Variants in DOCK11 observed in about 807,000 individuals in gnomAD.
DOCK11 encodes the protein dedicator of cytokinesis 11.
Under a neutral mutation model 169.1 loss-of-function variants are expected in DOCK11, and 70 were observed. The observed-to-expected ratio is 0.41, with a 90% CI of 0.34 to 0.51. DOCK11 has a LOEUF of 0.51. Among genes scored for constraint, DOCK11 ranks in the 20% least tolerant of loss-of-function variants. The probability of loss-of-function intolerance (pLI) is 0.10; values close to 1 mark genes in which losing one functional copy is unlikely to be tolerated. For missense variants in DOCK11, 1,166 were observed against 1,538.8 expected, an observed-to-expected ratio of 0.76 and a Z score of 4.05; for synonymous variants, 529 against 541.3, an observed-to-expected ratio of 0.98 and a Z score of 0.32.
chrX:118,496,453 T>G (rs1040176160), intron 1 of DOCK11, among the ~76,000 whole-genome samples: 7 of 112,805 alleles, frequency 6.2e-5, no homozygotes, highest in African/African-American at 2.2e-4. Flanking sequence ...GACGAGATCC[T>G]GATCCCCTCC....
intron 35 of DOCK11, chrX:118,632,990 T>TG (rs1200736670): frequency 6.7e-5 from 2 of 29,810 alleles, no homozygotes; most frequent in Admixed American, 3.9e-4. Flanking sequence ...GTGAGGGGGG[T>TG]GGGGGGGATG....
intron 40 of DOCK11, among the ~76,000 whole-genome samples, chrX:118,644,558 AT>A (rs2147519204): frequency 8.9e-6 from 1 of 112,213 alleles, no homozygotes; most frequent in South Asian, 3.7e-4. Context: ...CTAAAGGCTT[AT>A]TGTCCAGTAG....
chrX:118,619,839 A>T (rs1275408918), intron 31 of DOCK11, among the ~76,000 whole-genome samples: 5 of 103,605 alleles, frequency 4.8e-5, no homozygotes, highest in Non-Finnish European at 2.0e-5. Context: ...TTTTTTTGAG[A>T]TGGAGTCTCG....
chrX:118,541,041 G>A (rs1194011181), intron 1 of DOCK11, among the ~76,000 whole-genome samples: 1 of 111,264 alleles, frequency 9.0e-6, no homozygotes, highest in African/African-American at 3.3e-5. Context: ...TGTCTACCGT[G>A]TGCCAGGTAT....
intron 16 of DOCK11, among the ~76,000 whole-genome samples, chrX:118,586,119 C>T (rs778515553): frequency 1.8e-5 from 2 of 111,674 alleles, no homozygotes; most frequent in East Asian, 5.6e-4. Context: ...TGCATTCATT[C>T]ACTGAATAAC....
chrX:118,665,258 A>AATTG lies in DOCK11; in HGVS notation c.5076+2473_5076+2476dup, dbSNP rs763771781. On this transcript the variant is annotated intron_variant, in intron 45 of 52. Coordinates refer to ENST00000276202, the MANE Select transcript of DOCK11 (RefSeq NM_144658.4). The stretch of plus-strand genomic sequence containing the variant: ...ATAGATACTTAAAATATGTTTGTTG[A>AATTG]ATTGATTGATCATAACAGAGATGCA... 2.7e-5 allele frequency among the ~76,000 whole-genome samples: 3 copies of AATTG among 112,546 alleles called. No individual in the cohort carries two copies. In the South Asian group the frequency reaches 1.1e-3, roughly 41 times the overall value.
chrX:118,543,121 T>A, intron 3 of DOCK11, 106 bp downstream of exon 3: 1 of 585,548 alleles, frequency 1.7e-6, no homozygotes, highest in Non-Finnish European at 2.6e-6. Context: ...TACATAAATG[T>A]AAAATATTTA....
chrX:118,511,005 C>T (rs1182259125), intron 1 of DOCK11, among the ~76,000 whole-genome samples: 1 of 112,364 alleles, frequency 8.9e-6, no homozygotes, highest in African/African-American at 3.2e-5. Flanking sequence ...ATCAGCCCTC[C>T]TCACACTGGC....
At chrX:118,512,622 T>A (rs894795692) in intron 1 of DOCK11, among the ~76,000 whole-genome samples, 3 of 111,944 alleles carry the variant, frequency 2.7e-5, no homozygotes, top group Admixed American at 9.4e-5. Flanking sequence ...ATAGGGAAAC[T>A]CATTCTCCAA....
At chrX:118,501,726 A>G (rs1388939763) in intron 1 of DOCK11, among the ~76,000 whole-genome samples, 1 of 111,887 alleles carries the variant, frequency 8.9e-6, no homozygotes, top group Non-Finnish European at 1.9e-5. Flanking sequence ...CACTGTATGC[A>G]TTTTTAGTAT....
At chrX:118,519,367 G>A (rs1422647220) in intron 1 of DOCK11, among the ~76,000 whole-genome samples, 1 of 111,619 alleles carries the variant, frequency 9.0e-6, no homozygotes, top group Non-Finnish European at 1.9e-5. Flanking sequence ...GGCCAACATG[G>A]CGAAACCCCA....
intron 38 of DOCK11, 99 bp downstream of exon 38, chrX:118,639,676 A>G (rs916945725): frequency 1.1e-6 from 1 of 879,403 alleles, no homozygotes; most frequent in East Asian, 3.2e-5. Context: ...TACCTTGATC[A>G]TTACACATTA....
intron 1 of DOCK11, among the ~76,000 whole-genome samples, chrX:118,535,847 G>A (rs770269696): frequency 9.0e-6 from 1 of 111,409 alleles, no homozygotes; most frequent in South Asian, 3.8e-4. Flanking sequence ...TGCCCCTCCC[G>A]CCCCACCACA....
chrX:118,637,054 A>G (rs1280810660), intron 36 of DOCK11, among the ~76,000 whole-genome samples: 4 of 112,866 alleles, frequency 3.5e-5, no homozygotes, highest in Non-Finnish European at 7.5e-5. Context: ...CATGTCTACA[A>G]AAACAAAGCA....
intron 22 of DOCK11, among the ~76,000 whole-genome samples, chrX:118,598,749 T>C (rs758995422): frequency 4.4e-5 from 5 of 112,659 alleles, no homozygotes; most frequent in Non-Finnish European, 9.4e-5. Context: ...CCTGAGACTA[T>C]TGTTCTGCTA....
intron 1 of DOCK11, among the ~76,000 whole-genome samples, chrX:118,502,860 C>A (rs1166149490): frequency 9.0e-6 from 1 of 111,062 alleles, no homozygotes; most frequent in Admixed American, 9.6e-5. Flanking sequence ...TGTATCATTT[C>A]TGGGTGTGAG....
intron 6 of DOCK11, among the ~76,000 whole-genome samples, chrX:118,547,807 C>A (rs991730402): frequency 7.1e-5 from 8 of 112,265 alleles, no homozygotes; most frequent in African/African-American, 2.6e-4. Context: ...CAGAAATGTA[C>A]GTGAAGGTTA....
intron 1 of DOCK11, among the ~76,000 whole-genome samples, chrX:118,506,645 G>A (rs914497641): frequency 1.9e-5 from 2 of 106,577 alleles, no homozygotes; most frequent in African/African-American, 6.7e-5. Context: ...CAGCCTGGGC[G>A]ACAAAGTGAG....
intron 41 of DOCK11, 51 bp downstream of exon 41, chrX:118,649,178 C>T (rs2015888089): frequency 9.5e-7 from 1 of 1,052,053 alleles, no homozygotes; most frequent in African/African-American, 1.9e-5. Context: ...CAATCTTTAA[C>T]CTCTAGATCA....
Sources: allele counts gnomAD v4.1 joint callset (sites outside exome capture counted in the v4.1 genomes callset), GRCh38; gene constraint gnomAD v4.1.1; transcripts MANE v1.5; gene names NCBI Gene and HGNC (gene_info 2026-07-23, HGNC 2026-07-21).